The following NXPE2 variants were observed in gnomAD, a reference collection of about 807,000 sequenced individuals.
NXPE2 encodes neurexophilin and PC-esterase domain family member 2, also known as NXPE family member 2.
NXPE2 carries 34 observed loss-of-function variants against 34.4 expected under a neutral mutation model. That is an observed-to-expected ratio of 0.99 (90% CI 0.75 to 1.31). The LOEUF is 1.31. Among genes scored for constraint, NXPE2 ranks in the 40% most tolerant of loss-of-function variants. NXPE2 has a pLI of 0.00. For synonymous variants in NXPE2, 235 were observed against 231.3 expected, an observed-to-expected ratio of 1.02 and a Z score of -0.15; for missense variants, 649 against 672.5, an observed-to-expected ratio of 0.97 and a Z score of 0.39.
At chr11:114,725,967 T>TAAA in the NXPE2 span, among the ~76,000 whole-genome samples, 115 of 77,034 alleles carry the variant, frequency 1.5e-3, 7 homozygotes, top group Admixed American at 0.015. Flanking sequence ...TAAAGTATAA[T>TAAA]AAAAAAAAAA....
the NXPE2 span, among the ~76,000 whole-genome samples, chr11:114,649,074 A>G: frequency 6.6e-6 from 1 of 152,046 alleles, no homozygotes; most frequent in Non-Finnish European, 1.5e-5. Flanking sequence ...ACTGATATTT[A>G]TCCTCCACTA....
At chr11:114,505,136 G>T in the NXPE2 span, among the ~76,000 whole-genome samples, 71 of 152,174 alleles carry the variant, frequency 4.7e-4, no homozygotes, top group Non-Finnish European at 9.4e-4. Flanking sequence ...CTCAGAGCTT[G>T]AAGACTGGCT....
At chr11:114,585,389 C>T in the NXPE2 span, among the ~76,000 whole-genome samples, 1 of 152,102 alleles carries the variant, frequency 6.6e-6, no homozygotes, top group Admixed American at 6.5e-5. Context: ...AAGAGATTCA[C>T]TTCAGCTTTA....
chr11:114,787,947 C>T, the NXPE2 span, among the ~76,000 whole-genome samples: 6 of 152,164 alleles, frequency 3.9e-5, no homozygotes, highest in African/African-American at 1.4e-4. Flanking sequence ...CAGTGACTTT[C>T]CTGTCACCCC....
the NXPE2 span, chr11:114,553,996 A>G: frequency 1.0e-6 from 1 of 985,214 alleles, no homozygotes; most frequent in Admixed American, 6.1e-5. Context: ...CAACTTGTCC[A>G]ATTGCAATGT....
At chr11:114,536,637 G>A in the NXPE2 span, among the ~76,000 whole-genome samples, 1 of 152,200 alleles carries the variant, frequency 6.6e-6, no homozygotes, top group Non-Finnish European at 1.5e-5. Context: ...ACTACCATCA[G>A]AGAATACTAT....
the NXPE2 span, among the ~76,000 whole-genome samples, chr11:114,657,987 GCTTT>G: frequency 6.6e-6 from 1 of 152,096 alleles, no homozygotes; most frequent in African/African-American, 2.4e-5. Context: ...CTAACTTATT[GCTTT>G]CTTTAAGTTA....
chr11:114,670,380 A>C, the NXPE2 span, among the ~76,000 whole-genome samples: 1 of 152,062 alleles, frequency 6.6e-6, no homozygotes, highest in South Asian at 2.1e-4. Context: ...AGACTACTAA[A>C]ATAGCCCAGC....
intron 2 of NXPE2, among the ~76,000 whole-genome samples, chr11:114,681,549 C>A (rs182630248): frequency 3.3e-5 from 5 of 152,254 alleles, no homozygotes; most frequent in Non-Finnish European, 7.4e-5. Flanking sequence ...TTTCATGTAA[C>A]TTCCACGTAG....
At chr11:114,639,363 C>T in the NXPE2 span, among the ~76,000 whole-genome samples, 8 of 152,084 alleles carry the variant, frequency 5.3e-5, no homozygotes, top group East Asian at 3.9e-4. Context: ...TTCCAGGTGC[C>T]GTCTGTTACC....
At chr11:114,497,693 T>C in the NXPE2 span, among the ~76,000 whole-genome samples, 2 of 152,218 alleles carry the variant, frequency 1.3e-5, no homozygotes, top group Admixed American at 6.5e-5. Flanking sequence ...GCTTGATGCA[T>C]TTCTCAGAAT....
the NXPE2 span, among the ~76,000 whole-genome samples, chr11:114,525,291 T>C: frequency 6.6e-5 from 10 of 152,108 alleles, no homozygotes; most frequent in Non-Finnish European, 1.0e-4. Flanking sequence ...TCCATTATAT[T>C]TTTTATTAGA....
downstream of NXPE2, among the ~76,000 whole-genome samples, chr11:114,710,353 T>C (rs536647766): frequency 1.3e-5 from 2 of 152,108 alleles, no homozygotes; most frequent in South Asian, 4.2e-4. Context: ...AATTCATAGC[T>C]AGACTAAGAA....
At chr11:114,619,773 G>C in the NXPE2 span, among the ~76,000 whole-genome samples, 1 of 152,150 alleles carries the variant, frequency 6.6e-6, no homozygotes, top group Admixed American at 6.5e-5. Context: ...CTGTTACCAG[G>C]TGGATAATAA....
the NXPE2 span, among the ~76,000 whole-genome samples, chr11:114,479,502 C>T: frequency 2.0e-5 from 3 of 152,124 alleles, no homozygotes; most frequent in Non-Finnish European, 2.9e-5. Context: ...TCAAGGATGA[C>T]TCCCAGGTTT....
chr11:114,566,783 T>G, the NXPE2 span, among the ~76,000 whole-genome samples: 1 of 152,144 alleles, frequency 6.6e-6, no homozygotes, highest in Non-Finnish European at 1.5e-5. Context: ...CCCACATATA[T>G]GTATTTAAAT....
the NXPE2 span, among the ~76,000 whole-genome samples, chr11:114,489,304 A>T: frequency 1.3e-5 from 2 of 151,798 alleles, no homozygotes; most frequent in South Asian, 4.1e-4. Flanking sequence ...GTACCATTCC[A>T]TCTGAAACTA....
chr11:114,512,980 C>A, the NXPE2 span: 1 of 349,810 alleles, frequency 2.9e-6, no homozygotes, highest in South Asian at 2.5e-5. Flanking sequence ...TCTCGCCCTC[C>A]AGAGAGTCAA....
the NXPE2 span, among the ~76,000 whole-genome samples, chr11:114,749,803 T>C: frequency 6.6e-5 from 10 of 152,160 alleles, no homozygotes; most frequent in Non-Finnish European, 8.8e-5. Context: ...CTTCTCAGGC[T>C]TTGAAACTCA....
Sources: gnomAD v4.1 joint callset for allele counts (sites outside exome capture counted in the v4.1 genomes callset) on GRCh38, gnomAD v4.1.1 for gene constraint, MANE v1.5 for transcripts, NCBI Gene and HGNC (gene_info 2026-07-23, HGNC 2026-07-21) for gene names.